The following FSTL4 variants were observed in gnomAD, a reference collection of about 807,000 sequenced individuals.
The protein encoded by FSTL4 is follistatin-related protein 4.
FSTL4 carries 28 observed loss-of-function variants against 78.2 expected under a neutral mutation model. The observed-to-expected ratio is 0.36, with a 90% CI of 0.27 to 0.49. The LOEUF is 0.49. Ranked by LOEUF, FSTL4 falls within the 20% of genes least tolerant of loss-of-function variation. FSTL4 has a pLI of 0.98. For missense variants in FSTL4, 922 were observed against 1,084.9 expected (o/e 0.85, Z 2.11); for synonymous variants, 422 against 440.5 (o/e 0.96, Z 0.53).
chr5:133,341,566 C>G (rs1003914174), intron 4 of FSTL4, among the ~76,000 whole-genome samples: 26 of 152,262 alleles, frequency 1.7e-4, no homozygotes, highest in African/African-American at 1.9e-4. Context: ...ACCCTTCCCC[C>G]TCTCTGTCTG....
At chr5:133,821,224 T>C in the FSTL4 span, among the ~76,000 whole-genome samples, 147,753 of 152,354 alleles carry the variant, frequency 0.97, 71,803 homozygotes, top group East Asian at 1. Context: ...TTCTTGAGGG[T>C]TTCATGCTAA....
At chr5:133,391,449 G>C (rs937572667) in intron 4 of FSTL4, among the ~76,000 whole-genome samples, 8 of 152,192 alleles carry the variant, frequency 5.3e-5, no homozygotes, top group African/African-American at 2.4e-5. Context: ...CTCCTGCGGA[G>C]AAGCCTGGGG....
intron 14 of FSTL4, among the ~76,000 whole-genome samples, chr5:133,207,361 A>G (rs1750552273): frequency 6.6e-6 from 1 of 152,230 alleles, no homozygotes; most frequent in African/African-American, 2.4e-5. Flanking sequence ...GCTACCATGC[A>G]TGCATGCTTT....
intron 3 of FSTL4, among the ~76,000 whole-genome samples, chr5:133,435,423 T>G (rs1307889674): frequency 6.6e-6 from 1 of 152,248 alleles, no homozygotes; most frequent in East Asian, 1.9e-4. Flanking sequence ...CATGGTGTTT[T>G]GCAGATGTAT....
chr5:133,368,486 C>G (rs1011095887), intron 4 of FSTL4, among the ~76,000 whole-genome samples: 1 of 152,230 alleles, frequency 6.6e-6, no homozygotes, highest in African/African-American at 2.4e-5. Context: ...AAACCATAAC[C>G]ATGAGCATAA....
intron 7 of FSTL4, among the ~76,000 whole-genome samples, chr5:133,243,486 C>G (rs894505218): frequency 2.0e-5 from 3 of 152,220 alleles, no homozygotes; most frequent in Admixed American, 2.0e-4. Flanking sequence ...GACCCATATC[C>G]AATTTGATAC....
intron 4 of FSTL4, among the ~76,000 whole-genome samples, chr5:133,356,130 C>G (rs757744209): frequency 6.6e-6 from 1 of 152,206 alleles, no homozygotes; most frequent in Non-Finnish European, 1.5e-5. Context: ...AAGTCCTGAT[C>G]ATGAAAACAT....
the FSTL4 span, among the ~76,000 whole-genome samples, chr5:133,623,868 T>C: frequency 6.6e-6 from 1 of 151,962 alleles, no homozygotes. Context: ...ATATTTGCAT[T>C]AAGGAAATAC....
chr5:133,339,452 T>A (rs1224291449), intron 4 of FSTL4, among the ~76,000 whole-genome samples: 1 of 152,106 alleles, frequency 6.6e-6, no homozygotes, highest in Non-Finnish European at 1.5e-5. Flanking sequence ...TTCAGTCTCC[T>A]GTGTATTCTG....
At chr5:133,691,130 C>T in the FSTL4 span, among the ~76,000 whole-genome samples, 33 of 152,130 alleles carry the variant, frequency 2.2e-4, no homozygotes, top group African/African-American at 6.5e-4. Flanking sequence ...TTTGGAAAGG[C>T]GTTTTGGGGA....
chr5:133,493,136 T>C (rs1758303121), intron 3 of FSTL4, among the ~76,000 whole-genome samples: 1 of 152,226 alleles, frequency 6.6e-6, no homozygotes, highest in Admixed American at 6.5e-5. Context: ...GATTTTTAAA[T>C]AGTTACTTTT....
chr5:133,203,282 C>A (rs531961863), intron 14 of FSTL4, among the ~76,000 whole-genome samples: 6 of 152,292 alleles, frequency 3.9e-5, no homozygotes, highest in Admixed American at 1.3e-4. Context: ...TAGATTTCTG[C>A]AGCCTGAGGC....
chr5:133,748,858 G>A, the FSTL4 span, among the ~76,000 whole-genome samples: 1 of 152,194 alleles, frequency 6.6e-6, no homozygotes, highest in South Asian at 2.1e-4. Context: ...GAGAGAGAGA[G>A]CGTTGAGAAT....
intron 2 of FSTL4, among the ~76,000 whole-genome samples, chr5:133,592,514 A>G (rs1760654048): frequency 6.6e-6 from 1 of 152,202 alleles, no homozygotes; most frequent in African/African-American, 2.4e-5. Flanking sequence ...TCTGTTCCTA[A>G]GAATTACTGG....
chr5:133,600,257 C>CTAAT (rs1463853174), intron 2 of FSTL4, among the ~76,000 whole-genome samples: 1 of 152,110 alleles, frequency 6.6e-6, no homozygotes, highest in African/African-American at 2.4e-5. Flanking sequence ...TAAGTGTAGG[C>CTAAT]TAATGTCAGT....
chr5:133,598,929 CG>C (rs1453695357), intron 2 of FSTL4, among the ~76,000 whole-genome samples: 1 of 152,128 alleles, frequency 6.6e-6, no homozygotes, highest in African/African-American at 2.4e-5. Context: ...GTTGGTTCAC[CG>C]GGAAGAGGGA....
intron 6 of FSTL4, among the ~76,000 whole-genome samples, chr5:133,263,180 T>C (rs1752571240): frequency 6.6e-6 from 1 of 152,060 alleles, no homozygotes; most frequent in Non-Finnish European, 1.5e-5. Context: ...GGGTAGACAT[T>C]TCAGCTGAGA....
the FSTL4 span, among the ~76,000 whole-genome samples, chr5:133,798,890 A>G: frequency 0.33 from 48,540 of 145,342 alleles, 9,041 homozygotes; most frequent in African/African-American, 0.51. Flanking sequence ...CCTAGGACAC[A>G]TTAATTAATT....
intron 3 of FSTL4, among the ~76,000 whole-genome samples, chr5:133,563,067 C>T (rs1249251301): frequency 6.6e-6 from 1 of 152,132 alleles, no homozygotes. Context: ...GAGATGCAGC[C>T]ATCACTCTTT....
Sources: allele counts gnomAD v4.1 joint callset (sites outside exome capture counted in the v4.1 genomes callset), GRCh38; gene constraint gnomAD v4.1.1; transcripts MANE v1.5; gene names NCBI Gene and HGNC (gene_info 2026-07-23, HGNC 2026-07-21).